The following PAN3 variants were observed in gnomAD, a reference collection of about 807,000 sequenced individuals.
The protein encoded by PAN3 is poly(A) specific ribonuclease subunit PAN3.
In PAN3, 19 loss-of-function variants were observed where a neutral mutation model predicts 96.2. That is an observed-to-expected ratio of 0.20 (90% CI 0.14 to 0.29). The LOEUF (loss-of-function observed/expected upper bound fraction) is 0.29, where lower values mean the gene tolerates loss of function less well. Ranked by LOEUF, PAN3 falls within the 10% of genes least tolerant of loss-of-function variation. PAN3 has a pLI of 1.00. For synonymous variants in PAN3, 433 were observed against 406.6 expected (o/e 1.06, Z -0.78); for missense variants, 882 against 1,108.1 (o/e 0.80, Z 2.90).
At chr13:28,243,527 G>A (rs1168092952) in intron 6 of PAN3, among the ~76,000 whole-genome samples, 4 of 152,262 alleles carry the variant, frequency 2.6e-5, no homozygotes, top group South Asian at 4.1e-4. Context: ...GGTAGGTGTT[G>A]CTACATTGAC....
intron 4 of PAN3, among the ~76,000 whole-genome samples, chr13:28,190,531 A>T (rs1046992508): frequency 6.6e-6 from 1 of 152,072 alleles, no homozygotes; most frequent in African/African-American, 2.4e-5. Context: ...GAGTGCTAGG[A>T]TTACAGGTGT....
chr13:28,142,594 T>C (rs970758245), intron 1 of PAN3, among the ~76,000 whole-genome samples: 1 of 151,232 alleles, frequency 6.6e-6, no homozygotes, highest in African/African-American at 2.4e-5. Context: ...TTGGTAGAGA[T>C]GAGGTTTCCC....
intron 5 of PAN3, among the ~76,000 whole-genome samples, chr13:28,202,093 TTATTA>T (rs1417043387): frequency 6.6e-6 from 1 of 152,152 alleles, no homozygotes; most frequent in Non-Finnish European, 1.5e-5. Flanking sequence ...AATCTAACAC[TTATTA>T]TAAGAAGGAA....
chr13:28,230,510 CA>C (rs1882431552), intron 6 of PAN3, among the ~76,000 whole-genome samples: 1 of 151,196 alleles, frequency 6.6e-6, no homozygotes, highest in Non-Finnish European at 1.5e-5. Flanking sequence ...TAAATTGTTA[CA>C]AAAAAATCAA....
chr13:28,256,844 C>G (rs1002351111), intron 7 of PAN3, among the ~76,000 whole-genome samples: 5 of 152,074 alleles, frequency 3.3e-5, no homozygotes, highest in African/African-American at 1.2e-4. Context: ...GGAATTGATG[C>G]CTGCTGACAT....
intron 18 of PAN3, among the ~76,000 whole-genome samples, chr13:28,290,611 G>A (rs1000916277): frequency 1.3e-5 from 2 of 152,140 alleles, no homozygotes; most frequent in East Asian, 1.9e-4. Flanking sequence ...AACCCCAGGA[G>A]GCAGAGGTTG....
chr13:28,192,402 T>G (rs1877409231), intron 4 of PAN3, among the ~76,000 whole-genome samples: 1 of 152,170 alleles, frequency 6.6e-6, no homozygotes, highest in African/African-American at 2.4e-5. Flanking sequence ...AGCTTCATCT[T>G]TTGTTCTCAA....
intron 6 of PAN3, among the ~76,000 whole-genome samples, chr13:28,250,028 T>C (rs987942458): frequency 1.3e-5 from 2 of 152,224 alleles, no homozygotes; most frequent in East Asian, 1.9e-4. Flanking sequence ...TAGACAGTTA[T>C]CTTTTCTCCT....
chr13:28,178,631 TAA>T (rs1408382350), intron 4 of PAN3, among the ~76,000 whole-genome samples: 1 of 152,138 alleles, frequency 6.6e-6, no homozygotes, highest in African/African-American at 2.4e-5. Context: ...GAAGTTATTA[TAA>T]AGTTATAACA....
At chr13:28,204,177 AC>A (rs1187793039) in intron 5 of PAN3, among the ~76,000 whole-genome samples, 2 of 152,108 alleles carry the variant, frequency 1.3e-5, no homozygotes, top group Non-Finnish European at 2.9e-5. Flanking sequence ...ATGGAAGATC[AC>A]CTGAGACACC....
chr13:28,280,868 A>C (rs773973742), intron 16 of PAN3, among the ~76,000 whole-genome samples: 32 of 152,140 alleles, frequency 2.1e-4, no homozygotes, highest in Admixed American at 3.9e-4. Flanking sequence ...GCCAGTAAAG[A>C]GTGTAATTAA....
chr13:28,232,428 G>T (rs1054223115), intron 6 of PAN3: 5 of 151,770 alleles, frequency 3.3e-5, no homozygotes, highest in Admixed American at 6.6e-5. Context: ...CTTTAAATGG[G>T]ATATATTATA....
chr13:28,245,322 T>C (rs974530873), intron 6 of PAN3, among the ~76,000 whole-genome samples: 8 of 152,176 alleles, frequency 5.3e-5, no homozygotes, highest in Non-Finnish European at 8.8e-5. Context: ...ACAGGTCTTA[T>C]ACAGTTCTAG....
intron 14 of PAN3, 72 bp downstream of exon 14, chr13:28,272,143 T>C (rs1448280089): frequency 9.0e-7 from 1 of 1,114,766 alleles, no homozygotes; most frequent in Non-Finnish European, 1.3e-6. Flanking sequence ...TTTTAAAGTA[T>C]TTCAGTGTTT....
intron 6 of PAN3, among the ~76,000 whole-genome samples, chr13:28,235,631 T>C (rs896377515): frequency 2.0e-5 from 3 of 151,802 alleles, no homozygotes; most frequent in Admixed American, 1.3e-4. Context: ...TTTGCTTTTA[T>C]AGTGTGTTGA....
chr13:28,176,629 C>T, intron 3 of PAN3, 70 bp downstream of exon 3: 1 of 1,438,758 alleles, frequency 7.0e-7, no homozygotes, highest in Non-Finnish European at 9.6e-7. Flanking sequence ...AATATACAAC[C>T]ATTGTAGAAA....
intron 5 of PAN3, among the ~76,000 whole-genome samples, chr13:28,207,239 C>T (rs527824958): frequency 1.3e-5 from 2 of 152,128 alleles, no homozygotes; most frequent in Non-Finnish European, 2.9e-5. Flanking sequence ...CCCTCACTTC[C>T]TTACCTGCCA....
chr13:28,200,675 T>C (rs937733671), intron 5 of PAN3, among the ~76,000 whole-genome samples: 1 of 152,206 alleles, frequency 6.6e-6, no homozygotes, highest in Non-Finnish European at 1.5e-5. Context: ...AAAATACATA[T>C]GTGGAGCTGC....
intron 17 of PAN3, among the ~76,000 whole-genome samples, chr13:28,285,371 A>T (rs1448415479): frequency 6.6e-6 from 1 of 152,170 alleles, no homozygotes; most frequent in Non-Finnish European, 1.5e-5. Flanking sequence ...TGTTCCTTTT[A>T]ACTTCCAGGC....
Sources: allele counts gnomAD v4.1 joint callset (sites outside exome capture counted in the v4.1 genomes callset), GRCh38; gene constraint gnomAD v4.1.1; transcripts MANE v1.5; gene names NCBI Gene and HGNC (gene_info 2026-07-23, HGNC 2026-07-21).